The following NCAM2 variants were observed in gnomAD, a reference collection of about 807,000 sequenced individuals.
The protein encoded by NCAM2 is N-CAM-2.
Under a neutral mutation model 98.1 loss-of-function variants are expected in NCAM2, and 30 were observed. The ratio of observed to expected loss-of-function variants is 0.31; its 90% CI spans 0.23 to 0.41. The LOEUF (loss-of-function observed/expected upper bound fraction) is 0.41, where lower values mean the gene tolerates loss of function less well. NCAM2 is among the 10% of genes least tolerant of loss of function. NCAM2 has a pLI of 1.00. For synonymous variants in NCAM2, 368 were observed against 342.4 expected (o/e 1.07, Z -0.83); for missense variants, 867 against 1,005.8 (o/e 0.86, Z 1.87).
At chr21:21,028,049 G>C (rs114124808) in intron 1 of NCAM2, among the ~76,000 whole-genome samples, 7,506 of 152,112 alleles carry the variant, frequency 0.049, 230 homozygotes, top group East Asian at 0.068. Flanking sequence ...TTTTAGTAGA[G>C]ATGGGATTCC....
chr21:21,366,407 A>G (rs1226754370), intron 8 of NCAM2, among the ~76,000 whole-genome samples: 1 of 152,052 alleles, frequency 6.6e-6, no homozygotes, highest in African/African-American at 2.4e-5. Flanking sequence ...AATATTTATC[A>G]TGTACCTAGC....
At chr21:21,207,311 A>G (rs1338958883) in intron 1 of NCAM2, among the ~76,000 whole-genome samples, 1 of 152,170 alleles carries the variant, frequency 6.6e-6, no homozygotes, top group Non-Finnish European at 1.5e-5. Flanking sequence ...GCACTCAGGA[A>G]GAAGCAGAAT....
At chr21:21,178,706 T>TTTATTCTAGTCTATA (rs2068375483) in intron 1 of NCAM2, among the ~76,000 whole-genome samples, 3 of 151,970 alleles carry the variant, frequency 2.0e-5, no homozygotes, top group South Asian at 4.1e-4. Flanking sequence ...TATATAAGCT[T>TTTATTCTAGTCTATA]TTATTCTAGT....
rs1003843895 is a variant in NCAM2 at position 21,265,498 on chromosome 21, T to TATATGTGTGTATATATACACATACACAC, written c.56-15067_56-15040dup. Among the ~76,000 whole-genome samples the TATATGTGTGTATATATACACATACACAC allele has an allele frequency of 3.3e-4, 47 of 143,800 alleles. No individual in the cohort carries two copies. In the South Asian group the frequency reaches 6.7e-3, roughly 20 times the overall value. The allele number at this position is 143,800 out of a possible 152,430, so 94.3% of individuals were successfully genotyped here. A position where few individuals can be genotyped will look rare whatever the true frequency, so the allele number is the denominator to read the frequency against. ...ATATATTATATATACACATATATAA[T>TATATGTGTGTATATATACACATACACAC]ATATGTGTGTATATATACACATACA... is the stretch of plus-strand genomic sequence containing the variant. On this transcript the variant is annotated intron_variant, in intron 1 of 17. Transcript: ENST00000400546.
chr21:21,292,581 G>A (rs1430435524), intron 5 of NCAM2, among the ~76,000 whole-genome samples: 2 of 151,648 alleles, frequency 1.3e-5, no homozygotes, highest in Non-Finnish European at 2.9e-5. Context: ...AATTATTTTT[G>A]CTTAAATTTA....
chr21:21,322,750 AG>A (rs1474769677), intron 5 of NCAM2, among the ~76,000 whole-genome samples: 1 of 152,234 alleles, frequency 6.6e-6, no homozygotes, highest in African/African-American at 2.4e-5. Context: ...GAAATATCTG[AG>A]GGTTGAGGAA....
At chr21:21,366,868 T>C (rs758408069) in intron 8 of NCAM2, among the ~76,000 whole-genome samples, 7 of 152,040 alleles carry the variant, frequency 4.6e-5, no homozygotes, top group African/African-American at 7.2e-5. Context: ...ATTTTGACTT[T>C]GTATTAGATA....
At chr21:21,426,489 C>T (rs1413273199) in intron 11 of NCAM2, among the ~76,000 whole-genome samples, 1 of 152,028 alleles carries the variant, frequency 6.6e-6, no homozygotes, top group African/African-American at 2.4e-5. Flanking sequence ...ACTGGAAAGG[C>T]AGAGAAAAGA....
chr21:21,417,420 T>C (rs1351448169), intron 10 of NCAM2, among the ~76,000 whole-genome samples: 3 of 152,090 alleles, frequency 2.0e-5, no homozygotes, highest in African/African-American at 7.2e-5. Flanking sequence ...ACACAGCTTT[T>C]CTGTACTCTT....
chr21:21,395,758 G>T (rs1317924192), intron 9 of NCAM2, among the ~76,000 whole-genome samples: 1 of 152,070 alleles, frequency 6.6e-6, no homozygotes, highest in Non-Finnish European at 1.5e-5. Flanking sequence ...AACGTAAAGT[G>T]GGGAAAGGAC....
chr21:21,101,783 T>A (rs1350579528), intron 1 of NCAM2, among the ~76,000 whole-genome samples: 2 of 152,002 alleles, frequency 1.3e-5, no homozygotes, highest in Non-Finnish European at 2.9e-5. Flanking sequence ...CACAAAAAAA[T>A]AAATGAACAA....
At chr21:21,509,514 A>C (rs1358724985) in intron 16 of NCAM2, among the ~76,000 whole-genome samples, 1 of 152,186 alleles carries the variant, frequency 6.6e-6, no homozygotes, top group Admixed American at 6.5e-5. Flanking sequence ...AGGCTTCATG[A>C]TTTTTTGTAT....
At chr21:21,380,803 T>C (rs1175115008) in intron 9 of NCAM2, among the ~76,000 whole-genome samples, 2 of 152,226 alleles carry the variant, frequency 1.3e-5, no homozygotes, top group Non-Finnish European at 2.9e-5. Flanking sequence ...GGTAATGTGT[T>C]TGCAGTTTCC....
chr21:21,246,440 G>A (rs376399633), intron 1 of NCAM2, among the ~76,000 whole-genome samples: 38 of 152,238 alleles, frequency 2.5e-4, no homozygotes, highest in African/African-American at 9.2e-4. Flanking sequence ...TGATAAATCA[G>A]AGAGAAGTAG....
chr21:21,292,274 G>A (rs1369101011), intron 5 of NCAM2, 33 bp downstream of exon 5: 1 of 1,581,288 alleles, frequency 6.3e-7, no homozygotes, highest in South Asian at 1.2e-5. Context: ...ATGTTTTATG[G>A]ATTCATTTTA....
At chr21:21,372,632 C>T (rs796583631) in intron 8 of NCAM2, among the ~76,000 whole-genome samples, 12 of 151,850 alleles carry the variant, frequency 7.9e-5, no homozygotes, top group African/African-American at 2.7e-4. Flanking sequence ...AGAAAATGAC[C>T]TTGGACTTTT....
chr21:21,113,973 C>G (rs558661278), intron 1 of NCAM2, among the ~76,000 whole-genome samples: 5 of 152,200 alleles, frequency 3.3e-5, no homozygotes, highest in African/African-American at 1.2e-4. Flanking sequence ...ATATAATTCT[C>G]TAACTAACAT....
chr21:21,323,431 A>G (rs546556556), intron 5 of NCAM2, among the ~76,000 whole-genome samples: 2 of 152,258 alleles, frequency 1.3e-5, no homozygotes, highest in East Asian at 1.9e-4. Context: ...ATGCTATTAT[A>G]GAGATATTTG....
chr21:21,457,412 C>T (rs934160262), intron 12 of NCAM2, among the ~76,000 whole-genome samples: 36 of 152,064 alleles, frequency 2.4e-4, no homozygotes, highest in African/African-American at 7.0e-4. Flanking sequence ...AAGGCCGAGG[C>T]GGGCAGATCA....
Sources: allele counts gnomAD v4.1 joint callset (sites outside exome capture counted in the v4.1 genomes callset), GRCh38; gene constraint gnomAD v4.1.1; transcripts MANE v1.5; gene names NCBI Gene and HGNC (gene_info 2026-07-23, HGNC 2026-07-21).